The following ROBO2 variants were observed in gnomAD, a reference collection of about 807,000 sequenced individuals.
ROBO2 encodes roundabout homolog 2.
Under a neutral mutation model 160.8 loss-of-function variants are expected in ROBO2, and 53 were observed. That is an observed-to-expected ratio of 0.33 (90% CI 0.26 to 0.41). The LOEUF is 0.41. ROBO2 is among the 10% of genes least tolerant of loss of function. The pLI is 1.00. For synonymous variants in ROBO2, 664 were observed against 611.7 expected (o/e 1.09, Z -1.26); for missense variants, 1,577 against 1,722.4 (o/e 0.92, Z 1.49).
intron 2 of ROBO2, among the ~76,000 whole-genome samples, chr3:76,817,901 A>G (rs1329691719): frequency 6.7e-6 from 1 of 148,806 alleles, no homozygotes; most frequent in Non-Finnish European, 1.5e-5. Context: ...CCACTTGTTA[A>G]TTAATGGACA....
intron 2 of ROBO2, among the ~76,000 whole-genome samples, chr3:77,413,970 C>G (rs933697040): frequency 1.1e-4 from 16 of 151,944 alleles, no homozygotes; most frequent in African/African-American, 3.9e-4. Flanking sequence ...TAATTTAAGT[C>G]ATGATATTTG....
intron 2 of ROBO2, among the ~76,000 whole-genome samples, chr3:76,343,065 C>T (rs577770011): frequency 9.0e-4 from 136 of 151,868 alleles, no homozygotes; most frequent in Non-Finnish European, 1.7e-3. Context: ...AGGTCTTTCT[C>T]GGTAAATATA....
At chr3:75,987,551 C>G (rs2065448453) in intron 2 of ROBO2, among the ~76,000 whole-genome samples, 1 of 151,706 alleles carries the variant, frequency 6.6e-6, no homozygotes, top group African/African-American at 2.4e-5. Context: ...ATGTCTTTTC[C>G]TTGCCTGATT....
At chr3:76,492,723 A>T (rs2079904048) in intron 2 of ROBO2, among the ~76,000 whole-genome samples, 1 of 151,838 alleles carries the variant, frequency 6.6e-6, no homozygotes, top group South Asian at 2.1e-4. Context: ...CTTTTTTTTT[A>T]GAGTAAATGG....
intron 17 of ROBO2, among the ~76,000 whole-genome samples, chr3:77,592,218 C>G (rs191631807): frequency 6.6e-6 from 1 of 151,988 alleles, no homozygotes; most frequent in African/African-American, 2.4e-5. Flanking sequence ...GTATGTGAAC[C>G]TTTTTAAGGT....
At chr3:75,949,099 GT>G (rs1472403466) in intron 2 of ROBO2, among the ~76,000 whole-genome samples, 2 of 151,918 alleles carry the variant, frequency 1.3e-5, no homozygotes, top group African/African-American at 4.8e-5. Flanking sequence ...GATGTTATTT[GT>G]TTATGTTTCT....
rs1300641954 is a variant in ROBO2 at position 77,164,452 on chromosome 3, C to A, written c.388+66112C>A. ...GGAGGGAGGTGGGGGGGTCAGCCCC[C>A]CGCCTGGCCAGCAGTGCTGTCCGGG... On this transcript the variant is annotated intron_variant, in intron 2 of 25. Coordinates refer to ENST00000461745, the Ensembl canonical transcript of ROBO2. 3.0e-5 allele frequency among the ~76,000 whole-genome samples: 4 copies of A among 133,406 alleles called. No homozygotes were observed. In the East Asian group the frequency reaches 9.0e-4, roughly 30 times the overall value. The allele number at this position is 133,406 out of a possible 152,430, so 87.5% of individuals were successfully genotyped here.
rs559526003 is a variant in ROBO2, at chr3:76,826,272, A to G, written c.110-271742A>G. ...AATTGCCATGTAGATAGAATAATCT[A>G]AGGCACACACTAGGGCCTCATCCAT... On this transcript the variant is annotated intron_variant, in intron 2 of 26. Transcript: ENST00000487694. Among the ~76,000 whole-genome samples the G allele has an allele frequency of 1.5e-4, 23 of 152,220 alleles. 1 individual carries two copies. Among genetic ancestry groups the G allele is most frequent in the African/African-American group, 5.3e-4 (22 of 41,536 alleles).
intron 2 of ROBO2, among the ~76,000 whole-genome samples, chr3:76,660,366 G>A (rs2091765055): frequency 6.6e-6 from 1 of 152,168 alleles, no homozygotes; most frequent in Non-Finnish European, 1.5e-5. Flanking sequence ...ACAGTGAATT[G>A]AAAGATTAGT....
intron 2 of ROBO2, among the ~76,000 whole-genome samples, chr3:77,444,972 C>G (rs1401074626): frequency 1.3e-5 from 2 of 152,134 alleles, no homozygotes; most frequent in Non-Finnish European, 2.9e-5. Flanking sequence ...TTCCAGTACC[C>G]AAGCTGATTT....
At chr3:76,185,204 A>ATCTG in intron 2 of ROBO2, among the ~76,000 whole-genome samples, 1 of 93,346 alleles carries the variant, frequency 1.1e-5, no homozygotes, top group South Asian at 3.8e-4. Context: ...AGATATATAT[A>ATCTG]TATATATATA....
At chr3:77,034,180 A>G (rs1189074119) in intron 2 of ROBO2, among the ~76,000 whole-genome samples, 1 of 151,900 alleles carries the variant, frequency 6.6e-6, no homozygotes, top group Non-Finnish European at 1.5e-5. Flanking sequence ...AAATGTTATG[A>G]TATGAAGTAT....
intron 2 of ROBO2, chr3:76,434,068 C>A (rs1407062960): frequency 2.3e-6 from 3 of 1,315,162 alleles, no homozygotes; most frequent in Non-Finnish European, 3.3e-6. Context: ...CAGTGGGCCT[C>A]CTGGAGGCAG....
chr3:76,187,835 C>G (rs1015068787), intron 2 of ROBO2, among the ~76,000 whole-genome samples: 1 of 152,018 alleles, frequency 6.6e-6, no homozygotes, highest in Non-Finnish European at 1.5e-5. Context: ...AATTTCAGAA[C>G]GCTGAATTGG....
chr3:76,153,864 A>G (rs1270391014), intron 2 of ROBO2, among the ~76,000 whole-genome samples: 3 of 152,136 alleles, frequency 2.0e-5, no homozygotes, highest in Non-Finnish European at 4.4e-5. Flanking sequence ...CTTGTCATCA[A>G]GAACCAGAGT....
chr3:75,933,085 A>G (rs1947616622), intron 1 of ROBO2, among the ~76,000 whole-genome samples: 1 of 152,222 alleles, frequency 6.6e-6, no homozygotes, highest in Non-Finnish European at 1.5e-5. Flanking sequence ...TCCTTTTAAT[A>G]GTGACTCAGT....
chr3:76,046,273 T>G (rs949106649), intron 2 of ROBO2, among the ~76,000 whole-genome samples: 2 of 152,002 alleles, frequency 1.3e-5, no homozygotes, highest in African/African-American at 4.8e-5. Flanking sequence ...ATAATATTTA[T>G]GGAAGATGGC....
intron 2 of ROBO2, among the ~76,000 whole-genome samples, chr3:75,959,228 T>C (rs1457062884): frequency 6.6e-6 from 1 of 151,808 alleles, no homozygotes; most frequent in African/African-American, 2.4e-5. Flanking sequence ...TGTAATTTTG[T>C]AGCATTTTGG....
intron 2 of ROBO2, among the ~76,000 whole-genome samples, chr3:76,709,626 A>G (rs1343700396): frequency 2.0e-5 from 3 of 152,196 alleles, no homozygotes; most frequent in Non-Finnish European, 4.4e-5. Context: ...GTTATTTAGT[A>G]GGAACTTCAG....
Sources: allele counts gnomAD v4.1 joint callset (sites outside exome capture counted in the v4.1 genomes callset), GRCh38; gene constraint gnomAD v4.1.1; transcripts MANE v1.5; gene names NCBI Gene and HGNC (gene_info 2026-07-23, HGNC 2026-07-21).